The following COL28A1 variants were observed in gnomAD, a reference collection of about 807,000 sequenced individuals.
COL28A1 encodes collagen type XXVIII alpha 1 chain, also known as collagen alpha-1(XXVIII) chain.
Under a neutral mutation model 150.2 loss-of-function variants are expected in COL28A1, and 161 were observed. The ratio of observed to expected loss-of-function variants is 1.07; its 90% CI spans 0.94 to 1.22. The LOEUF is 1.22. Among genes scored for constraint, COL28A1 ranks in the 50% most tolerant of loss-of-function variants. The probability of loss-of-function intolerance (pLI) is 0.00; values close to 1 mark genes in which losing one functional copy is unlikely to be tolerated. For missense variants in COL28A1, 1,617 were observed against 1,388.3 expected (o/e 1.16, Z -2.62); for synonymous variants, 552 against 469.7 (o/e 1.18, Z -2.26).
Position 7,398,899 on chromosome 7 carries a change from G to A in COL28A1, c.2137-17287C>T, listed in dbSNP as rs75810879. ...ATGTCAGTTTGCCTTTAACTACTCCGATGCCTCCGTTGGTGCTCCCTGTAT... is the reference window on the plus strand; with the variant it reads ...ATGTCAGTTTGCCTTTAACTACTCCAATGCCTCCGTTGGTGCTCCCTGTAT... On this transcript the variant is annotated intron_variant, in intron 27 of 34. Transcript: ENST00000399429. Among the ~76,000 whole-genome samples, 696 of 152,226 alleles carry A rather than the reference G, an allele frequency of 4.6e-3. 6 individuals are homozygous for A. The highest frequency in any genetic ancestry group is 0.016 in the African/African-American group (672 of 41,534).
intron 15 of COL28A1, among the ~76,000 whole-genome samples, chr7:7,458,363 C>G (rs1787339201): frequency 1.3e-5 from 2 of 151,792 alleles, no homozygotes; most frequent in Admixed American, 1.3e-4. Flanking sequence ...GTGCAGTGAG[C>G]TGAGATGGTG....
intron 7 of COL28A1, among the ~76,000 whole-genome samples, chr7:7,517,409 G>A (rs1371536239): frequency 6.6e-6 from 1 of 152,116 alleles, no homozygotes; most frequent in Non-Finnish European, 1.5e-5. Context: ...ATTTTATTAT[G>A]TCTGCAGAAT....
intron 27 of COL28A1, among the ~76,000 whole-genome samples, chr7:7,406,047 T>C (rs1345412382): frequency 6.6e-6 from 1 of 152,150 alleles, no homozygotes; most frequent in Non-Finnish European, 1.5e-5. Context: ...TGCTGCTTTA[T>C]AGTGATAATT....
chr7:7,431,766 C>T (rs972469711), intron 25 of COL28A1: 1 of 322,762 alleles, frequency 3.1e-6, no homozygotes, highest in Admixed American at 3.8e-5. Flanking sequence ...AGAGGGAAGA[C>T]CAATGAAGAG....
chr7:7,364,807 T>C (rs1167270894), intron 33 of COL28A1, among the ~76,000 whole-genome samples: 1 of 152,118 alleles, frequency 6.6e-6, no homozygotes, highest in Non-Finnish European at 1.5e-5. Context: ...GAAATTATCT[T>C]TTTTCTTTCT....
chr7:7,385,303 C>A (rs1174975745), intron 27 of COL28A1, among the ~76,000 whole-genome samples: 1 of 152,002 alleles, frequency 6.6e-6, no homozygotes, highest in African/African-American at 2.4e-5. Context: ...GACCGCTGTA[C>A]CTAAGTTAGG....
intron 6 of COL28A1, among the ~76,000 whole-genome samples, chr7:7,519,113 G>T (rs1478103538): frequency 3.9e-5 from 6 of 152,172 alleles, no homozygotes; most frequent in Non-Finnish European, 8.8e-5. Context: ...AAAGCAAAGA[G>T]GTTTAATGGA....
intron 15 of COL28A1, among the ~76,000 whole-genome samples, chr7:7,459,309 T>C (rs1363520497): frequency 1.3e-4 from 20 of 152,242 alleles, no homozygotes; most frequent in Admixed American, 1.3e-3. Flanking sequence ...TTGGAGTTGC[T>C]GTACAGCCAG....
intron 26 of COL28A1, among the ~76,000 whole-genome samples, chr7:7,419,202 A>G (rs1392807515): frequency 6.6e-6 from 1 of 152,190 alleles, no homozygotes; most frequent in African/African-American, 2.4e-5. Flanking sequence ...CAGCACTATT[A>G]ACATTTTGAG....
In COL28A1 at chr7:7,420,957, T is replaced by G. The variant is rs372712596; in HGVS notation, c.1999-1004A>C. On this transcript the variant is annotated intron_variant, in intron 25 of 34. Coordinates refer to ENST00000399429, the MANE Select transcript of COL28A1 (RefSeq NM_001037763.3). ...TGGTGGTTTAAGGTTCAACATAAAT[T>G]TGCCAAATGATACAGTCATTTCACT... Among the ~76,000 whole-genome samples the G allele has an allele frequency of 1.1e-4, 17 of 152,298 alleles. No homozygotes were observed. In the East Asian group the frequency reaches 2.5e-3, roughly 22 times the overall value.
upstream of COL28A1, among the ~76,000 whole-genome samples, chr7:7,537,110 G>T (rs1583597775): frequency 1.3e-5 from 2 of 152,136 alleles, no homozygotes; most frequent in East Asian, 3.8e-4. Flanking sequence ...ATTTATGAAA[G>T]ATTGATAAAA....
chr7:7,352,848 C>A (rs142355076), downstream of COL28A1, among the ~76,000 whole-genome samples: 239 of 152,312 alleles, frequency 1.6e-3, no homozygotes, highest in Middle Eastern at 0.017. Flanking sequence ...AGCAAAGTAG[C>A]TCAGCCTGAC....
At chr7:7,386,969 C>T (rs879676421) in intron 27 of COL28A1, among the ~76,000 whole-genome samples, 8 of 152,136 alleles carry the variant, frequency 5.3e-5, no homozygotes, top group Non-Finnish European at 8.8e-5. Flanking sequence ...ACCTTCTTGC[C>T]GTGTCCTCAC....
chr7:7,348,472 G>A, the COL28A1 span, among the ~76,000 whole-genome samples: 1 of 147,916 alleles, frequency 6.8e-6, no homozygotes, highest in Non-Finnish European at 1.5e-5. Context: ...ACTCTCACTC[G>A]CTCACTCTCC....
intron 15 of COL28A1, among the ~76,000 whole-genome samples, 162 bp from the exon 16 acceptor site, chr7:7,456,274 T>C (rs890067417): frequency 2.6e-5 from 4 of 152,250 alleles, no homozygotes; most frequent in African/African-American, 9.6e-5. Flanking sequence ...TAAAAGTTTA[T>C]AATTCAAATT....
Position 7,480,275 on chromosome 7 carries a change from A to G in COL28A1, c.1165-3095T>C, listed in dbSNP as rs1789279392. Among the ~76,000 whole-genome samples, 3 of 152,188 alleles carry G rather than the reference A, an allele frequency of 2.0e-5. No homozygotes were observed. In the South Asian group the frequency reaches 6.2e-4, roughly 31 times the overall value. On this transcript the variant is annotated intron_variant, in intron 13 of 34. Transcript: ENST00000399429. The stretch of plus-strand genomic sequence containing the variant: ...ATTTTACAAGACAATCTTCTTTAGT[A>G]TTTATGCATACTGATTTTGTAAATA...
At chr7:7,438,203 G>C (rs1433181155) in intron 21 of COL28A1, among the ~76,000 whole-genome samples, 1 of 152,168 alleles carries the variant, frequency 6.6e-6, no homozygotes, top group Non-Finnish European at 1.5e-5. Context: ...AGTGAGCTGA[G>C]ATCGCATCAC....
chr7:7,375,573 A>C (rs1781497649), intron 30 of COL28A1, 76 bp from the exon 31 acceptor site: 13 of 964,328 alleles, frequency 1.3e-5, no homozygotes, highest in Non-Finnish European at 1.8e-5. Context: ...AAGATATCTC[A>C]TTACAATCAG....
chr7:7,506,149 T>G, intron 10 of COL28A1, 82 bp from the exon 11 acceptor site: 1 of 816,568 alleles, frequency 1.2e-6, no homozygotes, highest in East Asian at 2.4e-5. Flanking sequence ...TCCCTAGAGA[T>G]CCTGGCGATC....
Sources: allele counts gnomAD v4.1 joint callset (sites outside exome capture counted in the v4.1 genomes callset), GRCh38; gene constraint gnomAD v4.1.1; transcripts MANE v1.5; gene names NCBI Gene and HGNC (gene_info 2026-07-23, HGNC 2026-07-21).